DST: variants seen among roughly 807,000 people sequenced by gnomAD.
DST encodes the protein dystonin.
A neutral mutation model predicts 875.2 loss-of-function variants in DST; 253 were observed. The observed-to-expected ratio is 0.29, with a 90% confidence interval of 0.26 to 0.32. The LOEUF is 0.32. Ranked by LOEUF, DST falls within the 10% of genes least tolerant of loss-of-function variation. The pLI is 1.00. For missense variants in DST, 8,287 were observed against 9,111.6 expected, an observed-to-expected ratio of 0.91 and a Z score of 3.68; for synonymous variants, 3,124 against 3,197.1, an observed-to-expected ratio of 0.98 and a Z score of 0.77.
At chr6:56,693,348 G>A (rs1342258997) in intron 9 of DST, 3 of 1,159,582 alleles carry the variant, frequency 2.6e-6, no homozygotes. Flanking sequence ...TGCCCAGCCG[G>A]TCCGTGTCTC....
At chr6:56,771,623 A>G (rs1010108890) in intron 4 of DST, among the ~76,000 whole-genome samples, 1 of 152,166 alleles carries the variant, frequency 6.6e-6, no homozygotes, top group Non-Finnish European at 1.5e-5. Flanking sequence ...TTTCCTATCT[A>G]AAAAACTGGA....
chr6:56,798,674 T>C (rs751089409), intron 4 of DST, among the ~76,000 whole-genome samples: 3 of 152,196 alleles, frequency 2.0e-5, no homozygotes, highest in Non-Finnish European at 2.9e-5. Context: ...GAAATACATT[T>C]TGTAAGGCTA....
At chr6:56,525,234 T>A (rs1394750289) in intron 69 of DST, among the ~76,000 whole-genome samples, 4 of 152,126 alleles carry the variant, frequency 2.6e-5, no homozygotes, top group Non-Finnish European at 2.9e-5. Context: ...TACATTTCAG[T>A]GAAAAAAATA....
intron 50 of DST, among the ~76,000 whole-genome samples, chr6:56,574,206 A>G (rs1042515024): frequency 1.3e-5 from 2 of 152,188 alleles, no homozygotes; most frequent in Non-Finnish European, 2.9e-5. Flanking sequence ...TCCGAACAGC[A>G]AATCTTTGAA....
chr6:56,498,988 G>T (rs2096021742), intron 80 of DST, among the ~76,000 whole-genome samples: 1 of 152,098 alleles, frequency 6.6e-6, no homozygotes, highest in Admixed American at 6.6e-5. Context: ...CTAAAATGGG[G>T]TAAGTGCAGA....
intron 4 of DST, among the ~76,000 whole-genome samples, chr6:56,825,361 CA>C (rs2099779061): frequency 6.7e-6 from 1 of 149,554 alleles, no homozygotes; most frequent in Non-Finnish European, 1.5e-5. Context: ...ACAAACACTG[CA>C]GAAGGCCGCA....
chr6:56,690,467 T>C (rs1003206151), intron 9 of DST, among the ~76,000 whole-genome samples: 3 of 152,114 alleles, frequency 2.0e-5, no homozygotes, highest in African/African-American at 7.2e-5. Context: ...GGTCAGCATG[T>C]CATTGCAACG....
chr6:56,592,633 T>C (rs1585967806), intron 48 of DST, among the ~76,000 whole-genome samples: 1 of 152,158 alleles, frequency 6.6e-6, no homozygotes, highest in Non-Finnish European at 1.5e-5. Context: ...GAATAAAAGA[T>C]AAAGACATCA....
In DST at chr6:56,498,032, C is replaced by T; in HGVS notation, c.19918G>A (p.Ala6640Thr). ...KHHVLQNDVL[A>T]HQSTVEAVNK... ...ACGGCTTCCACTGTGGACTGATGGG[C>T]TAATACATCATTTTGGAGCACCTGA... is the stretch of plus-strand genomic sequence containing the variant. The change falls in exon 81 of 104, where the codon GCC becomes ACC. Residue 6640 changes from alanine to threonine, a missense_variant. Around this residue, in one of 10 missense-constraint regions of DST, gnomAD observed 1,292 missense variants for 1,552.7 expected, o/e 0.83. Transcript: ENST00000680361. 1 of 1,612,384 alleles carries T rather than the reference C, an allele frequency of 6.2e-7. No homozygotes were observed. The highest frequency in any genetic ancestry group is 1.1e-5 in the South Asian group (1 of 90,688).
intron 9 of DST, among the ~76,000 whole-genome samples, chr6:56,681,546 T>A (rs1284148663): frequency 6.6e-6 from 1 of 152,158 alleles, no homozygotes; most frequent in Non-Finnish European, 1.5e-5. Context: ...GACCTGACCA[T>A]CTTCTGTGCT....
chr6:56,839,333 A>G (rs771389184), intron 4 of DST, among the ~76,000 whole-genome samples: 2 of 152,258 alleles, frequency 1.3e-5, no homozygotes, highest in Non-Finnish European at 2.9e-5. Context: ...GCTAAGCAGT[A>G]TCATTTGTTT....
At chr6:56,947,563 G>A (rs1382835280) in intron 2 of DST, among the ~76,000 whole-genome samples, 3 of 152,138 alleles carry the variant, frequency 2.0e-5, no homozygotes, top group African/African-American at 7.2e-5. Context: ...CTCTTAAGAG[G>A]ACTCACAGCA....
chr6:56,712,722 T>C (rs2099378490), intron 5 of DST, among the ~76,000 whole-genome samples: 1 of 152,150 alleles, frequency 6.6e-6, no homozygotes, highest in Non-Finnish European at 1.5e-5. Flanking sequence ...CAGCTTTTAC[T>C]GAAAAGCTTT....
chr6:56,751,619 T>C (rs1234163183), intron 4 of DST, among the ~76,000 whole-genome samples: 9 of 152,164 alleles, frequency 5.9e-5, no homozygotes, highest in Admixed American at 4.6e-4. Flanking sequence ...TGCTATGGAA[T>C]TTTTCCCAAG....
At chr6:56,781,758 T>C (rs1038836947) in intron 4 of DST, among the ~76,000 whole-genome samples, 10 of 152,148 alleles carry the variant, frequency 6.6e-5, no homozygotes, top group African/African-American at 2.2e-4. Context: ...TTCAACACTA[T>C]GTTGAATAGG....
chr6:56,732,500 G>A (rs1349041649), intron 5 of DST, among the ~76,000 whole-genome samples: 1 of 151,640 alleles, frequency 6.6e-6, no homozygotes, highest in Non-Finnish European at 1.5e-5. Flanking sequence ...TTTGAAATAA[G>A]CAAAAAACAA....
intron 72 of DST, 84 bp downstream of exon 72, chr6:56,515,366 T>C: frequency 6.9e-7 from 1 of 1,445,050 alleles, no homozygotes; most frequent in Non-Finnish European, 9.5e-7. Flanking sequence ...ATCATGTAAG[T>C]GTTTAACTGT....
At chr6:56,565,691 G>C (rs2097663627) in intron 55 of DST, among the ~76,000 whole-genome samples, 1 of 152,212 alleles carries the variant, frequency 6.6e-6, no homozygotes, top group African/African-American at 2.4e-5. Context: ...ACCCACTTGA[G>C]ATGGCAGTCT....
chr6:56,662,272 G>C (rs977439340), intron 10 of DST, among the ~76,000 whole-genome samples: 2 of 152,136 alleles, frequency 1.3e-5, no homozygotes, highest in African/African-American at 4.8e-5. Flanking sequence ...AATACCCTTT[G>C]TCCCAGCAAT....
Sources: allele counts gnomAD v4.1 joint callset (sites outside exome capture counted in the v4.1 genomes callset), GRCh38; gene constraint gnomAD v4.1.1; regional missense constraint gnomAD v4.1.1; transcripts MANE v1.5; gene names NCBI Gene and HGNC (gene_info 2026-07-23, HGNC 2026-07-21).